DCLRE1A: variants seen among roughly 807,000 people sequenced by gnomAD.
DCLRE1A encodes DNA cross-link repair 1A protein.
DCLRE1A carries 64 observed loss-of-function variants against 91.9 expected under a neutral mutation model. The observed-to-expected ratio is 0.70, with a 90% CI of 0.57 to 0.86. DCLRE1A has a LOEUF of 0.86. Among genes scored for constraint, DCLRE1A ranks in the 40% least tolerant of loss-of-function variants. The pLI is 0.00. For missense variants in DCLRE1A, 1,145 were observed against 1,213.3 expected (o/e 0.94, Z 0.84); for synonymous variants, 416 against 431.1 (o/e 0.96, Z 0.43).
intron 7 of DCLRE1A, among the ~76,000 whole-genome samples, chr10:113,839,209 C>T (rs1845408581): frequency 6.6e-6 from 1 of 151,446 alleles, no homozygotes; most frequent in South Asian, 2.1e-4. Context: ...CCTGTATTCC[C>T]AGCTACTCGG....
intron 3 of DCLRE1A, among the ~76,000 whole-genome samples, chr10:113,846,590 C>T (rs1043624261): frequency 2.0e-5 from 3 of 152,026 alleles, no homozygotes; most frequent in South Asian, 2.1e-4. Flanking sequence ...CCTTGAAGCT[C>T]GATACAGTCA....
chr10:113,848,786 T>C (rs1178070651), intron 2 of DCLRE1A, among the ~76,000 whole-genome samples, 194 bp downstream of exon 2: 1 of 152,102 alleles, frequency 6.6e-6, no homozygotes, highest in Admixed American at 6.6e-5. Flanking sequence ...AGAAACTTGA[T>C]GAATTGAATG....
intron 2 of DCLRE1A, 140 bp from the exon 3 acceptor site, chr10:113,847,475 T>TTTA: frequency 1.1e-6 from 1 of 903,648 alleles, no homozygotes; most frequent in Non-Finnish European, 1.5e-6. Flanking sequence ...CACATAAATT[T>TTTA]AACAAAAGGT....
intron 7 of DCLRE1A, among the ~76,000 whole-genome samples, chr10:113,839,702 T>G (rs1458241639): frequency 6.6e-6 from 1 of 152,176 alleles, no homozygotes; most frequent in Non-Finnish European, 1.5e-5. Flanking sequence ...TACAGCCTAG[T>G]GGGCAGGAGG....
At chr10:113,845,844 C>A (rs906205281) in intron 3 of DCLRE1A, 41 bp from the exon 4 acceptor site, 2 of 1,453,006 alleles carry the variant, frequency 1.4e-6, no homozygotes, top group South Asian at 2.3e-5. Context: ...CAGTAAAACA[C>A]TAAATATTTT....
Position 113,850,744 on chromosome 10 carries a change from A to G in DCLRE1A, c.461-100T>C, listed in dbSNP as rs986644605. The G allele has an allele frequency of 1.3e-5, 12 of 891,038 alleles. No individual in the cohort carries two copies. The African/African-American group carries it at 2.0e-4, about 15-fold the overall frequency. 55.2% of individuals were successfully genotyped at this position (891,038 alleles called of 1,614,324 possible). On this transcript the variant is annotated intron_variant, in intron 1 of 8. Transcript: ENST00000361384. ...TTGGGTTCCATTATTTAATATCCAC[A>G]TTGCATATAATAAAAAGCAACAATT...
In DCLRE1A at chr10:113,841,478, A is replaced by G; in HGVS notation, c.2748T>C (p.Ile916=). The G allele has an allele frequency of 6.2e-7, 1 of 1,613,706 alleles. No homozygotes were observed. Among genetic ancestry groups the G allele is most frequent in the Non-Finnish European group, 8.5e-7 (1 of 1,179,786 alleles). The part of the protein sequence containing the change: ...KTLQCLNIPE[I]NSLITTDMCS... ...ACATGTCGGTAGTGATGAGTGAATTAATTTCTGGTATATTGAGGCACTGTA... is the reference window on the plus strand; with the variant it reads ...ACATGTCGGTAGTGATGAGTGAATTGATTTCTGGTATATTGAGGCACTGTA... The change falls in exon 7 of 9, where the codon ATT becomes ATC. Residue 916 remains isoleucine, a synonymous_variant. Coordinates refer to ENST00000361384, the MANE Select transcript of DCLRE1A (RefSeq NM_014881.5).
chr10:113,847,978 T>C (rs1845566969), intron 2 of DCLRE1A, among the ~76,000 whole-genome samples: 3 of 152,196 alleles, frequency 2.0e-5, no homozygotes, highest in African/African-American at 7.2e-5. Flanking sequence ...ACTTCCCAAT[T>C]CTATTGAGGC....
intron 3 of DCLRE1A, among the ~76,000 whole-genome samples, chr10:113,846,582 T>G (rs777359072): frequency 1.4e-4 from 22 of 152,212 alleles, no homozygotes; most frequent in Middle Eastern, 3.4e-3. Flanking sequence ...TATAAGCTCC[T>G]TGAAGCTCGA....
intron 8 of DCLRE1A, among the ~76,000 whole-genome samples, chr10:113,836,578 C>G (rs1845365988): frequency 6.6e-6 from 1 of 152,086 alleles, no homozygotes. Flanking sequence ...CTAGGGTCTT[C>G]AGAGGCTGAG....
Position 113,852,863 on chromosome 10 carries a change from C to CT in DCLRE1A, c.319dup (p.Ser107LysfsTer13). 5 of 1,614,100 alleles carry CT rather than the reference C, an allele frequency of 3.1e-6. No individual in the cohort carries two copies. Among genetic ancestry groups the CT allele is most frequent in the Non-Finnish European group, 4.2e-6 (5 of 1,180,012 alleles). The stretch of plus-strand genomic sequence containing the variant: ...ACGTATCTTTGGGGACACGTGTTGG[C>CT]TTTTTTGAGTTCTACAGAGTTTTCC... On this transcript the variant is annotated frameshift_variant, in exon 1 of 9. Coordinates refer to ENST00000361384, the MANE Select transcript of DCLRE1A (RefSeq NM_014881.5). LOFTEE classifies it high-confidence loss of function.
chr10:113,841,441 C>T lies in DCLRE1A; in HGVS notation c.2785G>A (p.Val929Ile). 1 of 1,613,212 alleles carries T rather than the reference C, an allele frequency of 6.2e-7. No individual in the cohort carries two copies. The highest frequency in any genetic ancestry group is 1.1e-5 in the South Asian group (1 of 90,926). The stretch of plus-strand genomic sequence containing the variant: ...ATTTGCATCATTGGGAGAAGGTGAA[C>T]CAATGAACTGCACATGTCGGTAGTG... The part of the protein sequence containing the change: ...LITTDMCSSL[V>I]HLLPMMQINF... Residue 929 changes from valine (V) to isoleucine (I), a missense_variant, in exon 7 of 9, where the codon GTT (valine) becomes ATT (isoleucine). By Grantham distance (29) the Val-to-Ile change is conservative. Coordinates refer to ENST00000361384, the MANE Select transcript of DCLRE1A (RefSeq NM_014881.5).
chr10:113,851,419 TTTTTA>T (rs1455698138), intron 1 of DCLRE1A, among the ~76,000 whole-genome samples: 1 of 152,178 alleles, frequency 6.6e-6, no homozygotes, highest in African/African-American at 2.4e-5. Context: ...ATTGAGTATT[TTTTTA>T]TTTTACTGAA....
intron 4 of DCLRE1A, 25 bp from the exon 5 acceptor site, chr10:113,844,269 T>C: frequency 6.2e-7 from 1 of 1,612,690 alleles, no homozygotes; most frequent in Non-Finnish European, 8.5e-7. Context: ...CAAAGGAATG[T>C]TCATAACACA....
In DCLRE1A at chr10:113,850,582, A is replaced by G. The variant is rs1845633251; in HGVS notation, c.523T>C (p.Phe175Leu). Residue 175 changes from phenylalanine to leucine, a missense_variant, in exon 2 of 9, where the codon TTC becomes CTC. Transcript: ENST00000361384. ...IPFHYKRYTH[F>L]LLAQSRAGDH... Reference sequence around the variant, plus strand: ...CCAGCCCTGCTTTGAGCTAGCAGGAAGTGAGTGTATCTCTTGTAATGAAAA... The same window carrying G: ...CCAGCCCTGCTTTGAGCTAGCAGGAGGTGAGTGTATCTCTTGTAATGAAAA... 1 of 1,614,040 alleles carries G rather than the reference A, an allele frequency of 6.2e-7. No homozygotes were observed. Among genetic ancestry groups the G allele is most frequent in the African/African-American group, 1.3e-5 (1 of 74,918 alleles).
chr10:113,845,541 A>G, intron 4 of DCLRE1A, 144 bp downstream of exon 4: 1 of 653,278 alleles, frequency 1.5e-6, no homozygotes. Flanking sequence ...TGGGCACATT[A>G]TTTTTCAAAA....
In DCLRE1A at chr10:113,849,934, T is replaced by C. The variant is rs751391520; in HGVS notation, c.1171A>G (p.Asn391Asp). 1 of 1,614,048 alleles carries C rather than the reference T, an allele frequency of 6.2e-7. No homozygotes were observed. Among genetic ancestry groups the C allele is most frequent in the East Asian group, 2.2e-5 (1 of 44,884 alleles). ...LNDLSQPISQ[N>D]NESTLPYDLA... The stretch of plus-strand genomic sequence containing the variant: ...TCATAAGGCAAAGTACTCTCATTAT[T>C]TTGAGAAATAGGTTGAGACAAATCA... The change falls in exon 2 of 9, where the codon AAT becomes GAT. Residue 391 changes from asparagine (N) to aspartate (D), a missense_variant. Physicochemically the swap from Asn to Asp is conservative, Grantham distance 23 (BLOSUM62 1). Coordinates refer to ENST00000361384, the MANE Select transcript of DCLRE1A (RefSeq NM_014881.5).
intron 5 of DCLRE1A, among the ~76,000 whole-genome samples, chr10:113,843,043 C>T (rs1192374613): frequency 6.8e-6 from 1 of 146,772 alleles, no homozygotes; most frequent in African/African-American, 2.5e-5. Flanking sequence ...CACACACACA[C>T]ACACACACAC....
In DCLRE1A at chr10:113,850,061, A is replaced by G; in HGVS notation, c.1044T>C (p.His348=). 4.3e-6 allele frequency: 7 copies of G among 1,613,974 alleles called. No individual in the cohort carries two copies. The highest frequency in any genetic ancestry group is 5.9e-6 in the Non-Finnish European group (7 of 1,179,992). The part of the protein sequence containing the change: ...DDSCGFFKKR[H]GPLLKDQDES... Reference sequence around the variant, plus strand: ...CATCCTGGTCCTTCAGTAAGGGACCATGTCGTTTTTTAAAAAAACCACAGC... The same window carrying G: ...CATCCTGGTCCTTCAGTAAGGGACCGTGTCGTTTTTTAAAAAAACCACAGC... The change falls in exon 2 of 9, where the codon CAT becomes CAC. Residue 348 remains histidine, a synonymous_variant. Coordinates refer to ENST00000361384, the MANE Select transcript of DCLRE1A (RefSeq NM_014881.5).
Sources: gnomAD v4.1 joint callset for allele counts (sites outside exome capture counted in the v4.1 genomes callset) on GRCh38, gnomAD v4.1.1 for gene constraint, MANE v1.5 for transcripts, NCBI Gene and HGNC (gene_info 2026-07-23, HGNC 2026-07-21) for gene names.